The following PHACTR1 variants were observed in gnomAD, a reference collection of about 807,000 sequenced individuals.
The protein encoded by PHACTR1 is RPEL repeat containing 1.
In PHACTR1, 16 loss-of-function variants were observed where a neutral mutation model predicts 69.2. The observed-to-expected ratio is 0.23, with a 90% confidence interval of 0.16 to 0.35. The LOEUF is 0.35. PHACTR1 is among the 10% of genes least tolerant of loss of function. The pLI is 1.00. For synonymous variants in PHACTR1, 312 were observed against 284.5 expected, an observed-to-expected ratio of 1.10 and a Z score of -0.97; for missense variants, 510 against 734.7, an observed-to-expected ratio of 0.69 and a Z score of 3.54.
chr6:13,210,509 C>T (rs1187961964), intron 8 of PHACTR1, among the ~76,000 whole-genome samples: 6 of 152,208 alleles, frequency 3.9e-5, no homozygotes, highest in African/African-American at 1.2e-4. Flanking sequence ...TGGCATCACA[C>T]ACCCCTACTT....
At chr6:12,729,542 A>G (rs1361241924) in intron 3 of PHACTR1, among the ~76,000 whole-genome samples, 1 of 152,188 alleles carries the variant, frequency 6.6e-6, no homozygotes, top group Non-Finnish European at 1.5e-5. Flanking sequence ...GTTATACTGT[A>G]GAGGTGGAGA....
intron 4 of PHACTR1, among the ~76,000 whole-genome samples, chr6:12,853,831 A>T (rs2127762375): frequency 6.6e-6 from 1 of 152,302 alleles, no homozygotes; most frequent in Non-Finnish European, 1.5e-5. Flanking sequence ...GGATTATGGG[A>T]GCTGTATACG....
At chr6:12,940,300 C>T (rs1789933161) in intron 4 of PHACTR1, among the ~76,000 whole-genome samples, 1 of 152,178 alleles carries the variant, frequency 6.6e-6, no homozygotes, top group African/African-American at 2.4e-5. Flanking sequence ...CTTCTTAAAA[C>T]TGCTTTTCAG....
At chr6:13,222,282 A>T (rs1356039460) in intron 8 of PHACTR1, among the ~76,000 whole-genome samples, 2 of 152,242 alleles carry the variant, frequency 1.3e-5, no homozygotes, top group East Asian at 3.8e-4. Context: ...ACTCTGGAAG[A>T]TGTGACTCTC....
intron 4 of PHACTR1, among the ~76,000 whole-genome samples, chr6:12,807,462 C>T (rs1352910623): frequency 6.6e-6 from 1 of 151,948 alleles, no homozygotes; most frequent in Non-Finnish European, 1.5e-5. Context: ...AGTTGATTCT[C>T]CATGTTAATT....
chr6:12,957,846 G>A, intron 4 of PHACTR1: 1 of 985,578 alleles, frequency 1.0e-6, no homozygotes, highest in Non-Finnish European at 1.2e-6. Flanking sequence ...AATTGGCACG[G>A]CCGGGAAGGA....
intron 6 of PHACTR1, among the ~76,000 whole-genome samples, chr6:13,173,865 G>A (rs1206476974): frequency 6.6e-6 from 1 of 152,134 alleles, no homozygotes; most frequent in Admixed American, 6.6e-5. Context: ...GCGCCACAAC[G>A]CCCGGCTAAT....
At chr6:13,230,407 T>C in intron 10 of PHACTR1, 3 of 1,139,158 alleles carry the variant, frequency 2.6e-6, no homozygotes, top group Non-Finnish European at 3.5e-6. Flanking sequence ...CAAAAATTAG[T>C]CAGGCATGGT....
At chr6:13,240,872 T>G (rs550928151) in intron 10 of PHACTR1, among the ~76,000 whole-genome samples, 8 of 152,312 alleles carry the variant, frequency 5.3e-5, no homozygotes, top group African/African-American at 1.9e-4. Context: ...TGTTTCCCCA[T>G]CAGCACCTCA....
At chr6:13,278,183 C>A in intron 11 of PHACTR1, 85 bp from the exon 12 acceptor site, 3 of 1,316,230 alleles carry the variant, frequency 2.3e-6, no homozygotes, top group South Asian at 1.3e-5. Flanking sequence ...AGATGCTTGG[C>A]CTAGAGCCTG....
chr6:12,877,879 T>G (rs1336315131), intron 4 of PHACTR1, among the ~76,000 whole-genome samples: 1 of 152,204 alleles, frequency 6.6e-6, no homozygotes, highest in African/African-American at 2.4e-5. Flanking sequence ...TGGAATTTTC[T>G]CCCTCCTGGG....
intron 10 of PHACTR1, among the ~76,000 whole-genome samples, chr6:13,253,280 G>T (rs1223748606): frequency 2.0e-5 from 3 of 152,178 alleles, no homozygotes; most frequent in African/African-American, 7.2e-5. Flanking sequence ...GAGGCACCTT[G>T]TTGCCTATTT....
chr6:13,029,090 C>A (rs1802089803), intron 4 of PHACTR1, among the ~76,000 whole-genome samples: 2 of 152,036 alleles, frequency 1.3e-5, no homozygotes, highest in Admixed American at 6.6e-5. Context: ...CTATTTATCT[C>A]AATTTGGTAG....
chr6:12,933,956 C>T, intron 4 of PHACTR1: 1 of 1,581,234 alleles, frequency 6.3e-7, no homozygotes, highest in Non-Finnish European at 8.6e-7. Context: ...GTATTCATTT[C>T]CTAGAGTTGC....
chr6:13,090,069 T>TTG (rs1812987388), intron 5 of PHACTR1, among the ~76,000 whole-genome samples: 1 of 151,536 alleles, frequency 6.6e-6, no homozygotes, highest in Non-Finnish European at 1.5e-5. Flanking sequence ...TGTTGTTGTT[T>TTG]TTGAGACGGA....
intron 11 of PHACTR1, among the ~76,000 whole-genome samples, chr6:13,277,044 C>CT (rs1779072187): frequency 1.3e-5 from 2 of 152,320 alleles, no homozygotes; most frequent in Non-Finnish European, 2.9e-5. Flanking sequence ...TTGATACAAG[C>CT]TGACTTCCAT....
intron 5 of PHACTR1, among the ~76,000 whole-genome samples, chr6:13,060,804 G>C (rs1187131187): frequency 6.6e-6 from 1 of 152,154 alleles, no homozygotes; most frequent in African/African-American, 2.4e-5. Flanking sequence ...TTGGCTTTTG[G>C]CTGTCCTGGT....
chr6:13,098,663 C>T (rs951513475), intron 5 of PHACTR1, among the ~76,000 whole-genome samples: 6 of 152,236 alleles, frequency 3.9e-5, no homozygotes, highest in African/African-American at 1.4e-4. Context: ...AATGGCCTGA[C>T]ATCCACTCTT....
rs1273304724 is a variant in PHACTR1 at position 13,135,410 on chromosome 6, C to T, written c.416-24794C>T. On this transcript the variant is annotated intron_variant, in intron 5 of 14. Coordinates refer to ENST00000332995, the MANE Select transcript of PHACTR1 (RefSeq NM_030948.6). Reference sequence around the variant, plus strand: ...GACATTGTACACCTGCCCTGCACCCCGGATGCAGACTCCGTAATTCTTCAG... The same window carrying T: ...GACATTGTACACCTGCCCTGCACCCTGGATGCAGACTCCGTAATTCTTCAG... Among the ~76,000 whole-genome samples, 6 of 152,346 alleles carry T rather than the reference C, an allele frequency of 3.9e-5. No individual in the cohort carries two copies. The South Asian group carries it at 1.0e-3, about 26-fold the overall frequency.
Sources: gnomAD v4.1 joint callset for allele counts (sites outside exome capture counted in the v4.1 genomes callset) on GRCh38, gnomAD v4.1.1 for gene constraint, MANE v1.5 for transcripts, NCBI Gene and HGNC (gene_info 2026-07-23, HGNC 2026-07-21) for gene names.